Variants in FABP12 observed in about 807,000 individuals in gnomAD.
FABP12 encodes the protein fatty acid-binding protein 12.
A neutral mutation model predicts 13.7 loss-of-function variants in FABP12; 19 were observed. The observed-to-expected ratio is 1.39, with a 90% confidence interval of 0.97 to 2.04. The LOEUF is 2.04. Ranked by LOEUF, FABP12 falls within the 30% of genes most tolerant of loss-of-function variation. The pLI is 0.00. For synonymous variants in FABP12, 61 were observed against 57.0 expected, an observed-to-expected ratio of 1.07 and a Z score of -0.32; for missense variants, 182 against 164.2, an observed-to-expected ratio of 1.11 and a Z score of -0.59.
chr8:81,539,055 G>C (rs1320489145), intron 2 of FABP12, among the ~76,000 whole-genome samples: 1 of 152,158 alleles, frequency 6.6e-6, no homozygotes, highest in Admixed American at 6.5e-5. Context: ...TGCCATGTTG[G>C]CCAGGCTGGT....
At chr8:81,541,784 G>C (rs1267993030) in intron 1 of FABP12, among the ~76,000 whole-genome samples, 1 of 151,926 alleles carries the variant, frequency 6.6e-6, no homozygotes, top group Non-Finnish European at 1.5e-5. Context: ...TATAACCTCA[G>C]ATGTTGTGCT....
upstream of FABP12, among the ~76,000 whole-genome samples, chr8:81,537,070 C>T (rs1452279398): frequency 1.6e-5 from 2 of 126,112 alleles, no homozygotes; most frequent in African/African-American, 9.3e-5. Flanking sequence ...TACCATTTTT[C>T]ATTTAAGATT....
upstream of FABP12, among the ~76,000 whole-genome samples, chr8:81,537,225 T>C (rs1458154158): frequency 6.6e-6 from 1 of 152,194 alleles, no homozygotes; most frequent in Non-Finnish European, 1.5e-5. Context: ...TCACTCTAAG[T>C]GCTGTAAGAC....
upstream of FABP12, among the ~76,000 whole-genome samples, chr8:81,538,400 T>G (rs954870898): frequency 2.5e-4 from 38 of 152,228 alleles, no homozygotes; most frequent in Non-Finnish European, 2.4e-4. Flanking sequence ...AAATGTGACC[T>G]TCTTTAGAAA....
intron 1 of FABP12, among the ~76,000 whole-genome samples, chr8:81,543,006 G>A (rs1446257397): frequency 6.6e-6 from 1 of 152,196 alleles, no homozygotes; most frequent in Non-Finnish European, 1.5e-5. Flanking sequence ...AGTGAAAACT[G>A]TGGGAAGAAA....
chr8:81,529,438 C>T, exon 3 of FABP12: 2 of 1,613,758 alleles, frequency 1.2e-6, no homozygotes, highest in Non-Finnish European at 1.7e-6. Flanking sequence ...TAGGCCTCAC[C>T]TTTGTTTTGT....
chr8:81,570,421 G>A (rs1033654052), intron 1 of FABP12, among the ~76,000 whole-genome samples: 3 of 152,260 alleles, frequency 2.0e-5, no homozygotes, highest in African/African-American at 7.2e-5. Flanking sequence ...GGGTGAGCAA[G>A]ACAAAGAGGA....
intron 1 of FABP12, among the ~76,000 whole-genome samples, chr8:81,584,949 T>C (rs1485388529): frequency 6.6e-6 from 1 of 152,212 alleles, no homozygotes; most frequent in Non-Finnish European, 1.5e-5. Flanking sequence ...TTGTCTTCTT[T>C]TGAGAAATAT....
intron 1 of FABP12, among the ~76,000 whole-genome samples, chr8:81,550,353 T>C (rs1809505318): frequency 1.3e-5 from 2 of 152,198 alleles, no homozygotes; most frequent in African/African-American, 4.8e-5. Flanking sequence ...TGAAACTGCA[T>C]TGGCTTTGCA....
At chr8:81,552,833 G>A (rs1809543207) in intron 1 of FABP12, among the ~76,000 whole-genome samples, 1 of 152,136 alleles carries the variant, frequency 6.6e-6, no homozygotes, top group Admixed American at 6.6e-5. Flanking sequence ...CAAGTTTTGG[G>A]CTTGGGAAAC....
At chr8:81,562,170 C>G (rs1329320967) in intron 1 of FABP12, among the ~76,000 whole-genome samples, 1 of 152,146 alleles carries the variant, frequency 6.6e-6, no homozygotes, top group Non-Finnish European at 1.5e-5. Context: ...CCAGATACAC[C>G]CTGGGCTAGA....
intron 1 of FABP12, among the ~76,000 whole-genome samples, chr8:81,578,989 C>G (rs542656626): frequency 4.7e-4 from 72 of 151,684 alleles, no homozygotes; most frequent in African/African-American, 1.6e-3. Context: ...CCACCACACC[C>G]AGCTAATTTT....
At chr8:81,568,626 T>C (rs1206257176) in intron 1 of FABP12, among the ~76,000 whole-genome samples, 1 of 152,202 alleles carries the variant, frequency 6.6e-6, no homozygotes, top group African/African-American at 2.4e-5. Flanking sequence ...ACACCACGGC[T>C]AGGTAAATGC....
intron 1 of FABP12, among the ~76,000 whole-genome samples, chr8:81,563,024 G>A (rs1809750534): frequency 6.6e-6 from 1 of 152,208 alleles, no homozygotes; most frequent in Non-Finnish European, 1.5e-5. Flanking sequence ...ACCCAGTGGG[G>A]GTGGCCACAG....
At chr8:81,556,198 G>C (rs941294231) in intron 1 of FABP12, among the ~76,000 whole-genome samples, 1 of 152,190 alleles carries the variant, frequency 6.6e-6, no homozygotes, top group Non-Finnish European at 1.5e-5. Flanking sequence ...GTGGTTGGAT[G>C]GAAAGCCGGC....
At chr8:81,544,314 C>T (rs1809400759) in intron 1 of FABP12, among the ~76,000 whole-genome samples, 1 of 152,194 alleles carries the variant, frequency 6.6e-6, no homozygotes, top group Admixed American at 6.5e-5. Flanking sequence ...TTGGCAGGGA[C>T]ATGCTCCCTC....
At chr8:81,556,787 C>CAT (rs774655098) in intron 1 of FABP12, among the ~76,000 whole-genome samples, 8 of 144,932 alleles carry the variant, frequency 5.5e-5, no homozygotes, top group South Asian at 2.1e-4. Context: ...TTATTTTATA[C>CAT]ATATATATAT....
rs117740711 is a variant in FABP12 at position 81,557,623 on chromosome 8, T to A, written c.-184-17880A>T. On this transcript the variant is annotated intron_variant, in intron 1 of 5. Coordinates refer to the FABP12 transcript ENST00000692030. ...GCTATATAAGCAGTGATTATTTCAG[T>A]CTGAAATCAATTAAAATCTTTAAGT... 1.6e-3 allele frequency among the ~76,000 whole-genome samples: 241 copies of A among 152,340 alleles called. 2 individuals carry two copies. The highest frequency in any genetic ancestry group is 5.1e-3 in the African/African-American group (210 of 41,576).
intron 1 of FABP12, among the ~76,000 whole-genome samples, chr8:81,559,123 A>T (rs1809672115): frequency 6.6e-6 from 1 of 152,168 alleles, no homozygotes; most frequent in Non-Finnish European, 1.5e-5. Context: ...TTGGAGTCTT[A>T]TCCCAAATTT....
Sources: gnomAD v4.1 joint callset for allele counts (sites outside exome capture counted in the v4.1 genomes callset) on GRCh38, gnomAD v4.1.1 for gene constraint, MANE v1.5 for transcripts, NCBI Gene and HGNC (gene_info 2026-07-23, HGNC 2026-07-21) for gene names.